The following OGFR variants were observed in gnomAD, a reference collection of about 807,000 sequenced individuals.
OGFR encodes the protein opioid growth factor receptor.
Under a neutral mutation model 33.6 loss-of-function variants are expected in OGFR, and 18 were observed. The observed-to-expected ratio is 0.54, with a 90% CI of 0.37 to 0.80. OGFR has a LOEUF of 0.80. OGFR is among the 30% of genes least tolerant of loss of function. The pLI is 0.00. For synonymous variants in OGFR, 370 were observed against 400.7 expected (o/e 0.92, Z 0.91); for missense variants, 877 against 955.8 (o/e 0.92, Z 1.09).
rs755588832 is a variant in OGFR at position 62,813,702 on chromosome 20, G to T, written c.*53G>T. ...TCCTCCTGTCCCTGCTGCAGGGGCTGGGGCCTCCGGAGCTGCTGCGGGCTC... is the reference window on the plus strand; with the variant it reads ...TCCTCCTGTCCCTGCTGCAGGGGCTTGGGCCTCCGGAGCTGCTGCGGGCTC... On this transcript the variant is annotated 3_prime_UTR_variant, in exon 7 of 7. Coordinates refer to ENST00000290291, the MANE Select transcript of OGFR (RefSeq NM_007346.4). 1 of 1,594,056 alleles carries T rather than the reference G, an allele frequency of 6.3e-7. No homozygotes were observed. Among genetic ancestry groups the T allele is most frequent in the South Asian group, 1.1e-5 (1 of 90,156 alleles).
intron 1 of OGFR, 171 bp from the exon 2 acceptor site, chr20:62,807,366 G>C (rs1990618765): frequency 1.6e-6 from 1 of 638,738 alleles, no homozygotes; most frequent in South Asian, 1.9e-5. Context: ...TGCCCCACTG[G>C]GAACCCCCAA....
rs745816419 is a variant in OGFR at position 62,808,333 on chromosome 20, C to T, written c.319+8C>T. The T allele has an allele frequency of 3.1e-6, 5 of 1,607,682 alleles. No homozygotes were observed. The highest frequency in any genetic ancestry group is 1.7e-4 in the Middle Eastern group (1 of 6,048). ...TCCGCTTCCTGCCCAACGGTAGGTG[C>T]CTCACAACCACTGGCAGCCGGCGCT... On this transcript the variant is annotated splice_region_variant and intron_variant, in intron 3 of 6. Coordinates refer to ENST00000290291, the MANE Select transcript of OGFR (RefSeq NM_007346.4).
In OGFR at chr20:62,813,949, C is replaced by T. The variant is rs1048800; in HGVS notation, c.*300C>T. 3.8e-6 allele frequency: 2 copies of T among 527,128 alleles called. No individual in the cohort carries two copies. The highest frequency in any genetic ancestry group is 6.7e-6 in the Non-Finnish European group (2 of 296,506). The allele number at this position is 527,128 out of a possible 1,614,324, so 32.7% of individuals were successfully genotyped here. Reference sequence around the variant, plus strand: ...GGGGGCGGCGGGCAGGGCTGCTTTTCTTAGTCTGATACCAAGCAAGGCCTT... The same window carrying T: ...GGGGGCGGCGGGCAGGGCTGCTTTTTTTAGTCTGATACCAAGCAAGGCCTT... On this transcript the variant is annotated 3_prime_UTR_variant, in exon 7 of 7. Transcript: ENST00000290291.
At position 62,804,907 on chromosome 20, in the gene OGFR, TGCGGAGGAC is replaced by T. The variant is rs777200579; in HGVS notation, c.59_67del (p.Ala20_Asp22del). ...CCACCTGGGAGGAGGACGAGGAGGA[TGCGGAGGAC>T]GCGGAGGACGAGGACTGCGAGGACG... is the stretch of plus-strand genomic sequence containing the variant. On this transcript the variant is annotated inframe_deletion, in exon 1 of 7. Transcript: ENST00000290291. The T allele has an allele frequency of 1.7e-5, 26 of 1,494,490 alleles. No individual in the cohort carries two copies. The highest frequency in any genetic ancestry group is 7.6e-5 in the South Asian group (6 of 79,154). The allele number at this position is 1,494,490 out of a possible 1,614,324, so 92.6% of individuals were successfully genotyped here.
chr20:62,811,337 A>G (rs550384250), intron 5 of OGFR, 125 bp from the exon 6 acceptor site: 24 of 1,071,074 alleles, frequency 2.2e-5, no homozygotes, highest in African/African-American at 6.3e-5. Flanking sequence ...GTCTCTAAAT[A>G]AATGTCTGTC....
chr20:62,806,238 C>G (rs1990589621), intron 1 of OGFR: 1 of 152,214 alleles, frequency 6.6e-6, no homozygotes, highest in South Asian at 2.1e-4. Context: ...CACCAGCGGC[C>G]CTGTTGAGAA....
chr20:62,812,468 G>C lies in OGFR; in HGVS notation c.853G>C (p.Val285Leu). ...GCACTTCCGGCCCCGCTGCAAGTTC[G>C]TCTGGGGGCCCCAAGACAAGCTGCG... is the stretch of plus-strand genomic sequence containing the variant. The part of the protein sequence containing the change: ...WEHFRPRCKF[V>L]WGPQDKLRRF... Residue 285 changes from valine (V) to leucine (L), a missense_variant, in exon 7 of 7, where the codon GTC becomes CTC. By Grantham distance (32) the Val-to-Leu change is conservative. This residue lies in a region of OGFR where 760 missense variants were observed against 736.0 expected (regional missense o/e 1.03). Coordinates refer to ENST00000290291, the MANE Select transcript of OGFR (RefSeq NM_007346.4). 6.3e-7 allele frequency: 1 copy of C among 1,579,168 alleles called. No homozygotes were observed. Among genetic ancestry groups the C allele is most frequent in the East Asian group, 2.3e-5 (1 of 43,036 alleles).
Position 62,806,985 on chromosome 20 carries a change from G to A in OGFR, c.172-552G>A, listed in dbSNP as rs1323245267. On this transcript the variant is annotated intron_variant, in intron 1 of 6. Transcript: ENST00000290291. The stretch of plus-strand genomic sequence containing the variant: ...CTGCCCTCACCGTGGCCAGTGAGGC[G>A]TGGGGTTGGGCAGGGAAGGGGCATT... The A allele has an allele frequency of 4.4e-5, 7 of 160,504 alleles. No homozygotes were observed. In the East Asian group the frequency reaches 7.3e-4, roughly 17 times the overall value. The allele number at this position is 160,504 out of a possible 1,614,324, so 9.9% of individuals were successfully genotyped here.
At position 62,813,373 on chromosome 20, in the gene OGFR, G is replaced by T; in HGVS notation, c.1758G>T (p.Pro586=). The change falls in exon 7 of 7, where the codon CCG becomes CCT. Residue 586 remains proline, a synonymous_variant. Transcript: ENST00000290291. ...CATCGGAGACCCCAGGCCCCAGCCC[G>T]GCAGGACCTACAAGGGATGAGCCAG... ...ESPSETPGPS[P]AGPTRDEPAE... is the part of the protein sequence containing the mutation. 6.5e-7 allele frequency: 1 copy of T among 1,543,480 alleles called. No homozygotes were observed. Among genetic ancestry groups the T allele is most frequent in the East Asian group, 2.3e-5 (1 of 42,736 alleles).
Position 62,807,559 on chromosome 20 carries a change from A to G in OGFR, c.194A>G (p.Asn65Ser). The change falls in exon 2 of 7, where the codon AAC becomes AGC. Residue 65 changes from asparagine (N) to serine (S), a missense_variant. By Grantham distance (46) the Asn-to-Ser change is conservative. Coordinates refer to ENST00000290291, the MANE Select transcript of OGFR (RefSeq NM_007346.4). ...SFQSRMTGSR[N>S]WRATRDMCRY... ...CAGTCCAGAATGACAGGGTCCAGAAACTGGCGAGCCACGAGGGACATGTGT... is the reference window on the plus strand; with the variant it reads ...CAGTCCAGAATGACAGGGTCCAGAAGCTGGCGAGCCACGAGGGACATGTGT... 1 of 1,612,744 alleles carries G rather than the reference A, an allele frequency of 6.2e-7. No individual in the cohort carries two copies. Among genetic ancestry groups the G allele is most frequent in the Non-Finnish European group, 8.5e-7 (1 of 1,179,756 alleles).
At chr20:62,809,397 T>C (rs1163719168) in intron 3 of OGFR, among the ~76,000 whole-genome samples, 188 bp from the exon 4 acceptor site, 4 of 152,256 alleles carry the variant, frequency 2.6e-5, no homozygotes, top group Non-Finnish European at 5.9e-5. Context: ...GCAAGGGCTG[T>C]GCATCGGAGG....
chr20:62,807,043 C>G (rs376447079), intron 1 of OGFR: 3 of 166,016 alleles, frequency 1.8e-5, no homozygotes, highest in East Asian at 3.5e-4. Context: ...GCACCTGGGT[C>G]CCCTTCTGGG....
intron 3 of OGFR, among the ~76,000 whole-genome samples, chr20:62,808,755 C>G (rs1460335958): frequency 6.6e-6 from 1 of 152,088 alleles, no homozygotes; most frequent in Non-Finnish European, 1.5e-5. Flanking sequence ...GGGTGGATCA[C>G]AAAGTCATGA....
At chr20:62,805,076 C>T (rs1990553557) in intron 1 of OGFR, 46 bp downstream of exon 1, 1 of 1,278,932 alleles carries the variant, frequency 7.8e-7, no homozygotes, top group African/African-American at 1.6e-5. Context: ...CCGGCGCCCC[C>T]CGCCCGGCTG....
intron 6 of OGFR, 116 bp from the exon 7 acceptor site, chr20:62,812,114 C>T (rs772362628): frequency 6.6e-5 from 56 of 854,254 alleles, no homozygotes; most frequent in Non-Finnish European, 8.7e-5. Flanking sequence ...GAGACTGAAT[C>T]GTGGGCCAGG....
chr20:62,807,800 G>A (rs916240638), intron 2 of OGFR, 195 bp downstream of exon 2: 8 of 622,390 alleles, frequency 1.3e-5, no homozygotes, highest in Non-Finnish European at 2.0e-5. Flanking sequence ...GAGACCGGGG[G>A]CATCCCCCTA....
At chr20:62,805,387 C>A (rs1023150833) in intron 1 of OGFR, 2 of 154,776 alleles carry the variant, frequency 1.3e-5, no homozygotes, top group Admixed American at 6.6e-5. Flanking sequence ...GCGCAGGCCC[C>A]GCGGCCTGGG....
In OGFR at chr20:62,809,619, G is replaced by A. The variant is rs1048792; in HGVS notation, c.354G>A (p.Thr118=). Residue 118 remains threonine, a synonymous_variant, in exon 4 of 7, where the codon ACG becomes ACA. Coordinates refer to ENST00000290291, the MANE Select transcript of OGFR (RefSeq NM_007346.4). ...TTGAGGACATTCTTCAGAACTGGAC[G>A]GACAACTATGACCTCCTTGAGGACA... ...CFIEDILQNW[T]DNYDLLEDNH... 0.062 allele frequency: 99,998 copies of A among 1,610,638 alleles called. 3,800 individuals carry two copies. The highest frequency in any genetic ancestry group is 0.12 in the South Asian group (11,356 of 91,034).
chr20:62,807,283 G>A (rs1286579026), intron 1 of OGFR: 2 of 549,466 alleles, frequency 3.6e-6, no homozygotes, highest in Non-Finnish European at 6.5e-6. Context: ...AGAAGGAGCA[G>A]CCCCCCACCT....
Sources: gnomAD v4.1 joint callset for allele counts (sites outside exome capture counted in the v4.1 genomes callset) on GRCh38, gnomAD v4.1.1 for gene constraint, gnomAD v4.1.1 regional missense constraint, MANE v1.5 for transcripts, NCBI Gene and HGNC (gene_info 2026-07-23, HGNC 2026-07-21) for gene names.